Variants in ZHX3 observed in about 807,000 individuals in gnomAD.
The protein encoded by ZHX3 is zinc fingers and homeoboxes protein 3.
Under a neutral mutation model 64.5 loss-of-function variants are expected in ZHX3, and 20 were observed. That is an observed-to-expected ratio of 0.31 (90% confidence interval 0.22 to 0.45). The LOEUF is 0.45. Among genes scored for constraint, ZHX3 ranks in the 20% least tolerant of loss-of-function variants. ZHX3 has a pLI of 1.00. For synonymous variants in ZHX3, 423 were observed against 461.6 expected (o/e 0.92, Z 1.07); for missense variants, 1,041 against 1,195.8 (o/e 0.87, Z 1.91).
chr20:41,185,209 G>GA lies in ZHX3; in HGVS notation c.2861-9dup. 1 of 1,604,536 alleles carries GA rather than the reference G, an allele frequency of 6.2e-7. No homozygotes were observed. Among genetic ancestry groups the GA allele is most frequent in the East Asian group, 2.2e-5 (1 of 44,756 alleles). On this transcript the variant is annotated splice_polypyrimidine_tract_variant and intron_variant, in intron 3 of 3. Transcript: ENST00000683867. This position sits in a 1 kb window ranked among gnomAD's most constrained non-coding sequence, Gnocchi z 5.0. ...ATCAAATTCAGTCTGTTTCTGAGAA[G>GA]AAAACACATGCCTGTCACTCTACGG...
chr20:41,290,767 C>G (rs1248745118), intron 1 of ZHX3, among the ~76,000 whole-genome samples: 1 of 152,134 alleles, frequency 6.6e-6, no homozygotes, highest in Non-Finnish European at 1.5e-5. Context: ...GATGGCAGAG[C>G]CAGTTTCTTA....
intron 2 of ZHX3, chr20:41,239,735 G>A (rs1363284774): frequency 6.6e-6 from 1 of 152,244 alleles, no homozygotes; most frequent in Admixed American, 6.5e-5. Context: ...GACATTGTGA[G>A]AAGGGGAACA....
At chr20:41,263,865 T>C (rs987799721) in intron 2 of ZHX3, among the ~76,000 whole-genome samples, 1 of 152,188 alleles carries the variant, frequency 6.6e-6, no homozygotes, top group Non-Finnish European at 1.5e-5. Context: ...TACATCCTTT[T>C]GTATTTTTTA....
At chr20:41,208,722 C>A (rs1408943290) in intron 2 of ZHX3, among the ~76,000 whole-genome samples, 1 of 152,094 alleles carries the variant, frequency 6.6e-6, no homozygotes, top group Non-Finnish European at 1.5e-5. Flanking sequence ...ATGACAAACC[C>A]ACAGCCAATA....
At chr20:41,239,276 T>C (rs1037346241) in intron 2 of ZHX3, among the ~76,000 whole-genome samples, 7 of 152,066 alleles carry the variant, frequency 4.6e-5, no homozygotes, top group African/African-American at 1.7e-4. Flanking sequence ...CCCAAAGTGC[T>C]GGGATTACAG....
intron 1 of ZHX3, among the ~76,000 whole-genome samples, chr20:41,310,343 T>C (rs1403627665): frequency 2.6e-5 from 4 of 152,222 alleles, no homozygotes; most frequent in Admixed American, 2.0e-4. Flanking sequence ...AAACCTTGTT[T>C]TCCTCTGACC....
chr20:41,313,224 G>A (rs777449217), intron 1 of ZHX3, among the ~76,000 whole-genome samples: 26 of 152,238 alleles, frequency 1.7e-4, no homozygotes, highest in African/African-American at 1.9e-4. Flanking sequence ...TACAAATTTC[G>A]AAGCTTGAGA....
At chr20:41,291,167 A>G (rs957292174) in intron 1 of ZHX3, among the ~76,000 whole-genome samples, 2 of 152,210 alleles carry the variant, frequency 1.3e-5, no homozygotes, top group Non-Finnish European at 1.5e-5. Context: ...CGGAGCTGAG[A>G]TGTGAACTCA....
rs556300512 is a variant in ZHX3 at position 41,197,528 on chromosome 20, A to G, written c.2860+4529T>C. Among the ~76,000 whole-genome samples, 561 of 151,340 alleles carry G rather than the reference A, an allele frequency of 3.7e-3. 7 individuals carry two copies. Among genetic ancestry groups the G allele is most frequent in the African/African-American group, 0.013 (522 of 41,388 alleles). On this transcript the variant is annotated intron_variant, in intron 3 of 3. Coordinates refer to ENST00000683867, the MANE Select transcript of ZHX3 (RefSeq NM_001384317.1). ...CTATTTTCTAGGTGTATCTTTTTCT[A>G]TCCTTTTACTTTCAACCTCCTTGTG...
At chr20:41,291,107 A>AGCT (rs1348351377) in intron 1 of ZHX3, among the ~76,000 whole-genome samples, 1 of 152,334 alleles carries the variant, frequency 6.6e-6, no homozygotes, top group East Asian at 1.9e-4. Flanking sequence ...CAGGTCATAC[A>AGCT]GCTAGTAAGT....
chr20:41,274,231 T>G (rs900900400), intron 1 of ZHX3, among the ~76,000 whole-genome samples: 3 of 152,264 alleles, frequency 2.0e-5, no homozygotes, highest in African/African-American at 7.2e-5. Context: ...TGATTTATAA[T>G]TAAGTTTCAT....
At chr20:41,237,506 C>G (rs1423110420) in intron 2 of ZHX3, among the ~76,000 whole-genome samples, 5 of 152,122 alleles carry the variant, frequency 3.3e-5, no homozygotes, top group African/African-American at 1.2e-4. Context: ...AGCAAACTAT[C>G]GCAAGGACAA....
intron 2 of ZHX3, among the ~76,000 whole-genome samples, chr20:41,236,677 A>G (rs1456281638): frequency 2.6e-5 from 4 of 152,174 alleles, no homozygotes; most frequent in African/African-American, 9.7e-5. Flanking sequence ...CCTAGAAGAA[A>G]ACCTAGGCAA....
At chr20:41,289,765 C>T (rs978413325) in intron 1 of ZHX3, among the ~76,000 whole-genome samples, 5 of 150,858 alleles carry the variant, frequency 3.3e-5, no homozygotes, top group African/African-American at 9.8e-5. Context: ...CAAATGCCAC[C>T]GAGAAATGAT....
rs967478901 is a variant in ZHX3, at chr20:41,278,235, C to T, written c.-244-9152G>A. On this transcript the variant is annotated intron_variant, in intron 1 of 3. Coordinates refer to ENST00000683867, the MANE Select transcript of ZHX3 (RefSeq NM_001384317.1). The stretch of plus-strand genomic sequence containing the variant: ...GGTAACACTTGTAGTCCCAGCTACT[C>T]GGGAAGCTGGGGCAGGAGAACTGCT... Among the ~76,000 whole-genome samples, 10 of 138,080 alleles carry T rather than the reference C, an allele frequency of 7.2e-5. 3 individuals carry two copies. Among genetic ancestry groups the T allele is most frequent in the African/African-American group, 1.1e-4 (4 of 36,526 alleles). 90.6% of individuals were successfully genotyped at this position (138,080 alleles called of 152,430 possible).
chr20:41,312,965 C>G (rs1390718936), intron 1 of ZHX3, among the ~76,000 whole-genome samples: 1 of 152,004 alleles, frequency 6.6e-6, no homozygotes, highest in African/African-American at 2.4e-5. Flanking sequence ...GGAGACCAAC[C>G]AGGAGACAGG....
intron 3 of ZHX3, among the ~76,000 whole-genome samples, chr20:41,194,535 CT>C (rs34221788): frequency 0.21 from 31,203 of 151,912 alleles, 3,299 homozygotes; most frequent in South Asian, 0.28. Flanking sequence ...GATTTCTTTT[CT>C]TGTAGTGCCC....
chr20:41,220,244 G>A (rs953577226), intron 2 of ZHX3, among the ~76,000 whole-genome samples: 1 of 152,162 alleles, frequency 6.6e-6, no homozygotes, highest in Admixed American at 6.5e-5. Context: ...GGTTGCTTTT[G>A]GATTAGAGCT....
chr20:41,263,776 A>T (rs1172140063), intron 2 of ZHX3, among the ~76,000 whole-genome samples: 1 of 152,194 alleles, frequency 6.6e-6, no homozygotes, highest in East Asian at 1.9e-4. Flanking sequence ...GATTCATAAG[A>T]AACTGACAGG....
Sources: gnomAD v4.1 joint callset for allele counts (sites outside exome capture counted in the v4.1 genomes callset) on GRCh38, gnomAD v4.1.1 for gene constraint, Gnocchi (gnomAD v3.1) non-coding constraint, MANE v1.5 for transcripts, NCBI Gene and HGNC (gene_info 2026-07-23, HGNC 2026-07-21) for gene names.